DCDC2C: variants seen among roughly 807,000 people sequenced by gnomAD.
DCDC2C encodes the protein doublecortin domain-containing protein 2C.
DCDC2C carries 44 observed loss-of-function variants against 45.0 expected under a neutral mutation model. That is an observed-to-expected ratio of 0.98 (90% CI 0.77 to 1.26). DCDC2C has a LOEUF of 1.26. DCDC2C is among the 50% of genes most tolerant of loss of function. DCDC2C has a pLI of 0.00. For synonymous variants in DCDC2C, 187 were observed against 178.8 expected (o/e 1.05, Z -0.37); for missense variants, 447 against 468.9 (o/e 0.95, Z 0.43).
In DCDC2C at chr2:3,703,798, A is replaced by C. The variant is rs879712104; in HGVS notation, c.47A>C (p.Lys16Thr). The C allele has an allele frequency of 2.4e-6, 3 of 1,245,732 alleles. No individual in the cohort carries two copies. The Admixed American group carries it at 1.3e-4, about 53-fold the overall frequency. 77.2% of individuals were successfully genotyped at this position (1,245,732 alleles called of 1,614,324 possible). Residue 16 changes from lysine to threonine, a missense_variant, in exon 1 of 11, where the codon AAG (lysine) becomes ACG (threonine). Coordinates refer to ENST00000399143, the MANE Select transcript of DCDC2C (RefSeq NM_001287444.2). This position sits in a 1 kb window ranked among gnomAD's most constrained non-coding sequence, Gnocchi z 4.4. ...PSAPVDTTPAKTIVVYRNGDP... is the reference protein window; with the variant it reads ...PSAPVDTTPATTIVVYRNGDP... ...GCGCCGGTGGACACCACGCCCGCCAAGACCATCGTGGTGTACCGCAACGGG... is the reference window on the plus strand; with the variant it reads ...GCGCCGGTGGACACCACGCCCGCCACGACCATCGTGGTGTACCGCAACGGG...
At chr2:3,838,087 GT>G (rs1672124921) in intron 10 of DCDC2C, among the ~76,000 whole-genome samples, 1 of 152,210 alleles carries the variant, frequency 6.6e-6, no homozygotes, top group Admixed American at 6.5e-5. Flanking sequence ...CTGGGGTTAT[GT>G]CGTGGCACTA....
chr2:3,716,964 T>C (rs1558560598), intron 2 of DCDC2C, among the ~76,000 whole-genome samples: 3 of 152,198 alleles, frequency 2.0e-5, no homozygotes, highest in East Asian at 1.9e-4. Flanking sequence ...TTGGGCCTTG[T>C]TGGTCATAGC....
intron 10 of DCDC2C, among the ~76,000 whole-genome samples, chr2:3,793,929 T>C (rs1670888895): frequency 2.0e-5 from 3 of 152,246 alleles, no homozygotes; most frequent in Admixed American, 6.5e-5. Flanking sequence ...CACATAAATA[T>C]GTACTTGAAA....
intron 10 of DCDC2C, among the ~76,000 whole-genome samples, chr2:3,800,831 C>T (rs548576016): frequency 7.3e-5 from 9 of 124,046 alleles, no homozygotes; most frequent in South Asian, 2.5e-4. Flanking sequence ...GCAGTGAGTA[C>T]GGCTGGGAGC....
At chr2:3,831,581 C>T (rs562773786) in intron 10 of DCDC2C, among the ~76,000 whole-genome samples, 2 of 152,298 alleles carry the variant, frequency 1.3e-5, no homozygotes, top group South Asian at 4.1e-4. Context: ...ATGGAAACAT[C>T]ATTATGCTGC....
chr2:3,728,042 C>T (rs184758824), intron 3 of DCDC2C, among the ~76,000 whole-genome samples: 5 of 152,278 alleles, frequency 3.3e-5, no homozygotes, highest in Admixed American at 2.6e-4. Flanking sequence ...GGAATTTTAG[C>T]GAGTTTCCAG....
intron 8 of DCDC2C, among the ~76,000 whole-genome samples, chr2:3,770,728 T>C (rs80035585): frequency 0.1 from 15,436 of 152,346 alleles, 1,070 homozygotes; most frequent in East Asian, 0.3. Context: ...CCAACACAAC[T>C]TTTCAACACA....
At chr2:3,725,610 G>GCCCGGTGGATCCCA (rs1668638023) in intron 2 of DCDC2C, among the ~76,000 whole-genome samples, 5 of 144,908 alleles carry the variant, frequency 3.5e-5, no homozygotes, top group East Asian at 2.0e-4. Flanking sequence ...GGTGGATCCT[G>GCCCGGTGGATCCCA]GAGGGAGACC....
At chr2:3,831,408 G>A (rs959740863) in intron 10 of DCDC2C, among the ~76,000 whole-genome samples, 3 of 152,182 alleles carry the variant, frequency 2.0e-5, no homozygotes, top group Admixed American at 1.3e-4. Flanking sequence ...CTATTGCCCA[G>A]ACTGCAAACC....
intron 6 of DCDC2C, among the ~76,000 whole-genome samples, chr2:3,764,360 C>T (rs1669961774): frequency 6.6e-6 from 1 of 152,200 alleles, no homozygotes; most frequent in African/African-American, 2.4e-5. Flanking sequence ...TTTTCCAACT[C>T]ATATTGTAAT....
rs1572541283 is a variant in DCDC2C, at chr2:3,703,853, G to A, written c.102G>A (p.Val34=). The A allele has an allele frequency of 7.8e-7, 1 of 1,284,910 alleles. No homozygotes were observed. The allele number at this position is 1,284,910 out of a possible 1,614,324, so 79.6% of individuals were successfully genotyped here. A position where few individuals can be genotyped will look rare whatever the true frequency, so the allele number is the denominator to read the frequency against. ...CGTTCTACGTGGGCAAGAAGTTCGTGCTGTCGCGGCGCCGCGCGGCCACCT... is the reference window on the plus strand; with the variant it reads ...CGTTCTACGTGGGCAAGAAGTTCGTACTGTCGCGGCGCCGCGCGGCCACCT... The part of the protein sequence containing the change: ...GDPFYVGKKF[V]LSRRRAATFE... Residue 34 remains valine (V), a synonymous_variant, in exon 1 of 11, where the codon GTG becomes GTA. Coordinates refer to ENST00000399143, the MANE Select transcript of DCDC2C (RefSeq NM_001287444.2). The surrounding 1 kb of genome is among the most constrained non-coding windows in gnomAD (Gnocchi z 4.4).
At chr2:3,844,562 T>A (rs944895798) in intron 10 of DCDC2C, 1 of 152,242 alleles carries the variant, frequency 6.6e-6, no homozygotes, top group Non-Finnish European at 1.5e-5. Context: ...AACCATGTTG[T>A]GAAGAAACAG....
intron 3 of DCDC2C, among the ~76,000 whole-genome samples, chr2:3,729,788 G>A (rs144543832): frequency 6.3e-4 from 96 of 152,318 alleles, no homozygotes; most frequent in African/African-American, 2.1e-3. Context: ...AACAGTAAAT[G>A]TTCCTGGCAG....
intron 10 of DCDC2C, among the ~76,000 whole-genome samples, chr2:3,815,453 C>T (rs950639955): frequency 4.6e-5 from 7 of 152,178 alleles, no homozygotes; most frequent in African/African-American, 1.4e-4. Flanking sequence ...TGGGAGCCTC[C>T]GAATGCTGCT....
chr2:3,743,784 T>C (rs1669280925), intron 4 of DCDC2C, among the ~76,000 whole-genome samples: 1 of 152,174 alleles, frequency 6.6e-6, no homozygotes, highest in Non-Finnish European at 1.5e-5. Flanking sequence ...AATGCCTACA[T>C]TGGCCGGGTG....
At chr2:3,825,550 G>A (rs1310483360) in intron 10 of DCDC2C, among the ~76,000 whole-genome samples, 4 of 152,160 alleles carry the variant, frequency 2.6e-5, no homozygotes, top group Admixed American at 1.3e-4. Context: ...TATGGAAAAT[G>A]TTTAGGGAGA....
chr2:3,756,427 C>T (rs998873304), intron 6 of DCDC2C, among the ~76,000 whole-genome samples: 2 of 152,202 alleles, frequency 1.3e-5, no homozygotes, highest in Admixed American at 6.5e-5. Flanking sequence ...TTCCCAGTAA[C>T]TAACAGATAG....
intron 2 of DCDC2C, among the ~76,000 whole-genome samples, chr2:3,711,000 G>A (rs148045524): frequency 3.5e-3 from 528 of 152,232 alleles, no homozygotes; most frequent in Admixed American, 5.4e-3. Flanking sequence ...AACCTCCAAC[G>A]GCCCTGCATA....
chr2:3,779,196 C>T (rs1484890644), intron 9 of DCDC2C, among the ~76,000 whole-genome samples: 4 of 152,210 alleles, frequency 2.6e-5, no homozygotes, highest in African/African-American at 9.7e-5. Flanking sequence ...TGGGAACGTC[C>T]AGGGAGGTGA....
Sources: gnomAD v4.1 joint callset for allele counts (sites outside exome capture counted in the v4.1 genomes callset) on GRCh38, gnomAD v4.1.1 for gene constraint, Gnocchi (gnomAD v3.1) non-coding constraint, MANE v1.5 for transcripts, NCBI Gene and HGNC (gene_info 2026-07-23, HGNC 2026-07-21) for gene names.